CLEC18B: variants seen among roughly 807,000 people sequenced by gnomAD.
CLEC18B encodes the protein mannose receptor-like 2.
In CLEC18B, 5 loss-of-function variants were observed where a neutral mutation model predicts 60.4. That is an observed-to-expected ratio of 0.08 (90% confidence interval 0.04 to 0.17). CLEC18B has a LOEUF of 0.17. Among genes scored for constraint, CLEC18B ranks in the 10% least tolerant of loss-of-function variants. The pLI is 1.00. For missense variants in CLEC18B, 26 were observed against 572.8 expected (o/e 0.05, Z 9.74); for synonymous variants, 16 against 221.2 (o/e 0.07, Z 8.23).
chr16:74,422,586 C>A (rs1181320836), upstream of CLEC18B: 2 of 149,166 alleles, frequency 1.3e-5, no homozygotes, highest in Admixed American at 6.8e-5. Flanking sequence ...TCAGGAGTTT[C>A]TTCTCCCTCA....
chr16:74,424,076 C>T (rs1428046865), upstream of CLEC18B, among the ~76,000 whole-genome samples: 5 of 152,230 alleles, frequency 3.3e-5, no homozygotes, highest in African/African-American at 1.2e-4. Flanking sequence ...GTAGGATTCA[C>T]ATTTTGCTAT....
chr16:74,421,922 C>G (rs1313985173), upstream of CLEC18B: 1 of 140,682 alleles, frequency 7.1e-6, no homozygotes, highest in African/African-American at 2.7e-5. Context: ...GAGGCCGCAC[C>G]TGCACGAGGA....
At chr16:74,416,239 C>T (rs1438174914) in intron 3 of CLEC18B, among the ~76,000 whole-genome samples, 9 of 142,332 alleles carry the variant, frequency 6.3e-5, no homozygotes, top group South Asian at 2.6e-4. Context: ...CAGCAGCCTG[C>T]GCGACAGAGC....
At chr16:74,419,248 AG>A (rs1244239896) in intron 2 of CLEC18B, among the ~76,000 whole-genome samples, 1 of 152,192 alleles carries the variant, frequency 6.6e-6, no homozygotes, top group South Asian at 2.1e-4. Context: ...GGATGCAGGG[AG>A]GGGGGCCCCT....
intron 1 of CLEC18B, among the ~76,000 whole-genome samples, chr16:74,420,841 T>C (rs1335835659): frequency 0.06 from 5,512 of 92,312 alleles, 3 homozygotes; most frequent in Admixed American, 0.082. Flanking sequence ...GGGCCAGCCC[T>C]GGCTCCCGCA....
At chr16:74,421,569 C>G (rs1048107261), upstream of CLEC18B, 2 of 454,146 alleles carry the variant, frequency 4.4e-6, no homozygotes, top group African/African-American at 2.0e-5. Flanking sequence ...CCCCGCGGCC[C>G]CTGCTAATCA....
At chr16:74,416,323 G>A (rs1464863698) in intron 3 of CLEC18B, among the ~76,000 whole-genome samples, 1 of 151,730 alleles carries the variant, frequency 6.6e-6, no homozygotes, top group East Asian at 2.0e-4. Context: ...TGGTTTGCTG[G>A]TCTGCACAGT....
upstream of CLEC18B, among the ~76,000 whole-genome samples, chr16:74,423,675 C>T (rs2013753872): frequency 1.3e-5 from 2 of 149,340 alleles, no homozygotes. Context: ...GGCAACAGAG[C>T]GAGACTCTGT....
chr16:74,423,581 C>T (rs1179001514), upstream of CLEC18B, among the ~76,000 whole-genome samples: 3 of 152,182 alleles, frequency 2.0e-5, no homozygotes, highest in Non-Finnish European at 4.4e-5. Flanking sequence ...CCCAGCTACT[C>T]GGTAGGCTGA....
intron 4 of CLEC18B, 24 bp downstream of exon 4, chr16:74,413,555 A>C: frequency 6.2e-7 from 1 of 1,614,078 alleles, no homozygotes; most frequent in South Asian, 1.1e-5. Context: ...CAGACATCCC[A>C]GCAGAAGGTG....
intron 2 of CLEC18B, among the ~76,000 whole-genome samples, chr16:74,418,872 C>T (rs145268551): frequency 0.2 from 29,058 of 142,154 alleles, 839 homozygotes; most frequent in East Asian, 0.39. Context: ...CGGCTTACTG[C>T]AACCTCCGCC....
At position 74,418,168 on chromosome 16, in the gene CLEC18B, C is replaced by G. The variant is rs768007613; in HGVS notation, c.347G>C (p.Gly116Ala). ...GACCACTTCAACAAAGGACGCCAAG[C>G]CCGCGGGCAGCAGCTGCATGTTCCA... is the stretch of plus-strand genomic sequence containing the variant. ...VGWNMQLLPA[G>A]LASFVEVVSL... Residue 116 changes from glycine to alanine, a missense_variant, in exon 3 of 12, where the codon GGC becomes GCC. Gly to Ala is a moderately conservative substitution (Grantham distance 60, BLOSUM62 0). Transcript: ENST00000682950. The G allele has an allele frequency of 1.1e-5, 17 of 1,580,938 alleles. 2 individuals carry two copies. The South Asian group carries it at 1.8e-4, about 17-fold the overall frequency.
chr16:74,422,611 A>G (rs1266365193), upstream of CLEC18B, among the ~76,000 whole-genome samples: 2 of 147,486 alleles, frequency 1.4e-5, no homozygotes, highest in Non-Finnish European at 3.0e-5. Flanking sequence ...GAAACCCAGC[A>G]CCCTCAGGGT....
chr16:74,424,047 T>C (rs138795660), upstream of CLEC18B, among the ~76,000 whole-genome samples: 11,474 of 148,276 alleles, frequency 0.077, no homozygotes, highest in Non-Finnish European at 0.11. Context: ...CTACAGGGTT[T>C]ACATCCACCA....
chr16:74,418,640 C>A (rs1317610569), intron 2 of CLEC18B, among the ~76,000 whole-genome samples: 3 of 151,844 alleles, frequency 2.0e-5, no homozygotes, highest in African/African-American at 7.3e-5. Flanking sequence ...TGGGCCCTGG[C>A]CATTGTCAGA....
rs1428654397 is a variant in CLEC18B, at chr16:74,418,934, C to A, written c.217-636G>T. 4.6e-5 allele frequency among the ~76,000 whole-genome samples: 7 copies of A among 152,294 alleles called. No homozygotes were observed. In the East Asian group the frequency reaches 1.2e-3, roughly 25 times the overall value. Reference sequence around the variant, plus strand: ...TCAGCCTCCCAAGCAGCTGGGATTACAGCCATGTGACACCACACCTGGCTA... The same window carrying A: ...TCAGCCTCCCAAGCAGCTGGGATTAAAGCCATGTGACACCACACCTGGCTA... On this transcript the variant is annotated intron_variant, in intron 2 of 11. Transcript: ENST00000682950.
chr16:74,413,953 A>G (rs2013309175), intron 3 of CLEC18B, among the ~76,000 whole-genome samples: 1 of 152,300 alleles, frequency 6.6e-6, no homozygotes, highest in South Asian at 2.1e-4. Flanking sequence ...GCTCACCACA[A>G]CCTCTACCTC....
At chr16:74,422,948 T>TGAGCCACCACACCTGGCC (rs1478729325), upstream of CLEC18B, among the ~76,000 whole-genome samples, 8 of 148,484 alleles carry the variant, frequency 5.4e-5, no homozygotes, top group Admixed American at 1.4e-4. Context: ...GTTGCAGGCA[T>TGAGCCACCACACCTGGCC]GAGCCACCAC....
intron 10 of CLEC18B, among the ~76,000 whole-genome samples, chr16:74,410,237 A>C (rs2013071143): frequency 6.6e-6 from 1 of 152,306 alleles, no homozygotes; most frequent in Admixed American, 6.5e-5. Flanking sequence ...ATGCAGAGGG[A>C]GGGGTGAGTG....
Sources: allele counts gnomAD v4.1 joint callset (sites outside exome capture counted in the v4.1 genomes callset), GRCh38; gene constraint gnomAD v4.1.1; transcripts MANE v1.5; gene names NCBI Gene and HGNC (gene_info 2026-07-23, HGNC 2026-07-21).